Variants in NTRK3 observed in about 807,000 individuals in gnomAD.
NTRK3 encodes NT-3 growth factor receptor.
In NTRK3, 24 loss-of-function variants were observed where a neutral mutation model predicts 91.7. The observed-to-expected ratio is 0.26, with a 90% CI of 0.19 to 0.37. The LOEUF (loss-of-function observed/expected upper bound fraction) is 0.37, where lower values mean the gene tolerates loss of function less well. Ranked by LOEUF, NTRK3 falls within the 10% of genes least tolerant of loss-of-function variation. The probability of loss-of-function intolerance (pLI) is 1.00; values close to 1 mark genes in which losing one functional copy is unlikely to be tolerated. For synonymous variants in NTRK3, 483 were observed against 404.0 expected, an observed-to-expected ratio of 1.20 and a Z score of -2.34; for missense variants, 880 against 1,068.9, an observed-to-expected ratio of 0.82 and a Z score of 2.46.
intron 14 of NTRK3, among the ~76,000 whole-genome samples, chr15:88,016,956 T>TAAAA (rs67163869): frequency 2.4e-5 from 2 of 84,316 alleles, no homozygotes; most frequent in African/African-American, 4.9e-5. Context: ...AGACGAAGCT[T>TAAAA]AAAAAAAAAA....
chr15:88,153,947 A>T (rs1437612658), intron 5 of NTRK3, among the ~76,000 whole-genome samples: 1 of 152,012 alleles, frequency 6.6e-6, no homozygotes, highest in Non-Finnish European at 1.5e-5. Context: ...CATAGCAATC[A>T]TCTTGGAGAC....
intron 13 of NTRK3, among the ~76,000 whole-genome samples, chr15:88,059,505 G>T (rs937318701): frequency 2.0e-5 from 3 of 152,090 alleles, no homozygotes; most frequent in African/African-American, 4.8e-5. Context: ...CTCCATGCAT[G>T]CTTCACTCTG....
chr15:88,212,774 T>A (rs554910608), intron 3 of NTRK3, among the ~76,000 whole-genome samples: 1 of 148,218 alleles, frequency 6.7e-6, no homozygotes, highest in South Asian at 2.1e-4. Flanking sequence ...CAGGCCCCCA[T>A]GGCCAGCAGT....
chr15:87,877,507 C>A (rs971544189), intron 18 of NTRK3, among the ~76,000 whole-genome samples: 22 of 152,120 alleles, frequency 1.4e-4, no homozygotes, highest in African/African-American at 4.8e-4. Context: ...GTCCCTCCCC[C>A]TTTCATGAGC....
chr15:88,135,359 G>A (rs763985869), exon 10 of NTRK3: 12 of 1,614,148 alleles, frequency 7.4e-6, no homozygotes, highest in East Asian at 2.2e-5. Context: ...TGCTCCAGGC[G>A]CAGCTCAGGC....
chr15:88,134,985 T>G lies in NTRK3; in HGVS notation c.1204+116A>C, dbSNP rs2041735491. 17 of 1,237,876 alleles carry G rather than the reference T, an allele frequency of 1.4e-5. No homozygotes were observed. The South Asian group carries it at 2.0e-4, about 14-fold the overall frequency. The allele number at this position is 1,237,876 out of a possible 1,614,324, so 76.7% of individuals were successfully genotyped here. On this transcript the variant is annotated intron_variant, in intron 10 of 18. Coordinates refer to ENST00000394480, the Ensembl canonical transcript of NTRK3. ...GCACATGTTCCAGTGTGTGTTTTGT[T>G]GCCCATGATAACAGTATGAGTACTG... is the stretch of plus-strand genomic sequence containing the variant.
At chr15:88,051,106 G>A (rs1184816111) in intron 13 of NTRK3, among the ~76,000 whole-genome samples, 2 of 152,110 alleles carry the variant, frequency 1.3e-5, no homozygotes, top group African/African-American at 2.4e-5. Context: ...TCTCCTACCA[G>A]CAATTGAGTA....
intron 14 of NTRK3, among the ~76,000 whole-genome samples, chr15:87,987,607 T>A (rs1567190567): frequency 2.0e-5 from 3 of 151,898 alleles, no homozygotes; most frequent in African/African-American, 7.3e-5. Flanking sequence ...AAATTCTTTG[T>A]TATATATATA....
At position 88,080,728 on chromosome 15, in the gene NTRK3, C is replaced by G. The variant is rs527963099; in HGVS notation, c.1396+45543G>C. 2.0e-5 allele frequency among the ~76,000 whole-genome samples: 3 copies of G among 152,344 alleles called. No homozygotes were observed. The East Asian group carries it at 5.8e-4, about 29-fold the overall frequency. On this transcript the variant is annotated intron_variant, in intron 13 of 18. Transcript: ENST00000394480. ...AGATTGGAAGGCAGGAGCAAAGACC[C>G]AGAGTCCAAACAACTGAGGCTGGTT...
At chr15:88,064,554 A>C (rs2046486018) in intron 13 of NTRK3, among the ~76,000 whole-genome samples, 1 of 152,238 alleles carries the variant, frequency 6.6e-6, no homozygotes, top group East Asian at 1.9e-4. Context: ...ACTAAGTCTC[A>C]TGGAGGTTGG....
At chr15:88,224,906 C>G (rs1197306289) in intron 3 of NTRK3, among the ~76,000 whole-genome samples, 1 of 152,208 alleles carries the variant, frequency 6.6e-6, no homozygotes, top group Non-Finnish European at 1.5e-5. Context: ...TCAAACCAAC[C>G]CCTGGGGAGC....
At chr15:87,972,815 G>A (rs2073365821) in intron 14 of NTRK3, among the ~76,000 whole-genome samples, 1 of 152,120 alleles carries the variant, frequency 6.6e-6, no homozygotes, top group Admixed American at 6.5e-5. Flanking sequence ...TTGCAACCCT[G>A]CCGTTTTCCT....
chr15:88,238,400 C>A (rs2052007490), intron 3 of NTRK3, among the ~76,000 whole-genome samples: 1 of 152,032 alleles, frequency 6.6e-6, no homozygotes, highest in Non-Finnish European at 1.5e-5. Context: ...ATTTTATCTA[C>A]TCATCACCTG....
chr15:88,101,859 A>T (rs1289062647), intron 13 of NTRK3, among the ~76,000 whole-genome samples: 2 of 152,150 alleles, frequency 1.3e-5, no homozygotes, highest in East Asian at 1.9e-4. Flanking sequence ...CACACCAGGG[A>T]CTGTTGTGGG....
chr15:87,870,526 C>A (rs1000673609), exon 19 of NTRK3: 1 of 207,888 alleles, frequency 4.8e-6, no homozygotes, highest in South Asian at 1.9e-4. Flanking sequence ...AAATCACCAC[C>A]AAAGAACTTA....
chr15:87,987,039 T>C (rs1198269126), intron 14 of NTRK3, among the ~76,000 whole-genome samples: 5 of 152,198 alleles, frequency 3.3e-5, no homozygotes, highest in African/African-American at 1.2e-4. Context: ...TGCAGGCAAG[T>C]GGACAAGCAG....
chr15:88,071,141 C>T (rs2150542139), intron 13 of NTRK3, among the ~76,000 whole-genome samples: 1 of 152,350 alleles, frequency 6.6e-6, no homozygotes, highest in African/African-American at 2.4e-5. Flanking sequence ...ATGCAGGAGG[C>T]AGCTCCGATT....
chr15:88,132,432 T>C (rs928846383), intron 10 of NTRK3, among the ~76,000 whole-genome samples: 2 of 152,184 alleles, frequency 1.3e-5, no homozygotes, highest in Non-Finnish European at 2.9e-5. Flanking sequence ...TTGTCCTCCA[T>C]CTAGTACTGG....
intron 3 of NTRK3, among the ~76,000 whole-genome samples, chr15:88,210,339 T>C (rs929129601): frequency 2.6e-5 from 4 of 152,182 alleles, no homozygotes; most frequent in East Asian, 1.9e-4. Flanking sequence ...AGCAATGACC[T>C]GATCTATCTT....
Sources: gnomAD v4.1 joint callset for allele counts (sites outside exome capture counted in the v4.1 genomes callset) on GRCh38, gnomAD v4.1.1 for gene constraint, MANE v1.5 for transcripts, NCBI Gene and HGNC (gene_info 2026-07-23, HGNC 2026-07-21) for gene names.